The following ECT2 variants were observed in gnomAD, a reference collection of about 807,000 sequenced individuals.
ECT2 encodes protein ECT2.
Under a neutral mutation model 116.9 loss-of-function variants are expected in ECT2, and 61 were observed. The ratio of observed to expected loss-of-function variants is 0.52; its 90% CI spans 0.42 to 0.65. ECT2 has a LOEUF of 0.65. Ranked by LOEUF, ECT2 falls within the 30% of genes least tolerant of loss-of-function variation. ECT2 has a pLI of 0.00. For synonymous variants in ECT2, 358 were observed against 346.4 expected (o/e 1.03, Z -0.37); for missense variants, 937 against 1,078.7 (o/e 0.87, Z 1.84).
At chr3:172,751,988 CA>C (rs1285876948) in intron 1 of ECT2, among the ~76,000 whole-genome samples, 2 of 152,230 alleles carry the variant, frequency 1.3e-5, no homozygotes, top group African/African-American at 4.8e-5. Flanking sequence ...ACAGTATCAT[CA>C]GGGGCAATTT....
At chr3:172,760,383 A>G (rs538394254) in intron 7 of ECT2, 120 bp downstream of exon 7, 120 of 534,354 alleles carry the variant, frequency 2.2e-4, no homozygotes, top group Non-Finnish European at 3.4e-4. Flanking sequence ...AATTTTTGCT[A>G]TGAATATATT....
intron 22 of ECT2, 100 bp downstream of exon 22, chr3:172,808,024 A>C: frequency 8.3e-7 from 1 of 1,207,354 alleles, no homozygotes. Context: ...TTATGAATGG[A>C]GAGTTTTAGT....
intron 12 of ECT2, among the ~76,000 whole-genome samples, chr3:172,767,980 C>T (rs1045098364): frequency 6.6e-6 from 1 of 152,170 alleles, no homozygotes; most frequent in Admixed American, 6.5e-5. Flanking sequence ...GATCTGTCCG[C>T]CTTGGCCTCC....
intron 22 of ECT2, among the ~76,000 whole-genome samples, chr3:172,809,614 A>G (rs958578164): frequency 6.6e-6 from 1 of 151,788 alleles, no homozygotes; most frequent in Admixed American, 6.6e-5. Context: ...CACACACGTG[A>G]AAGATGTAAA....
chr3:172,770,584 C>T (rs4894596), intron 13 of ECT2, among the ~76,000 whole-genome samples: 71,314 of 151,998 alleles, frequency 0.47, 19,609 homozygotes, highest in East Asian at 0.69. Flanking sequence ...AAGTGATTCT[C>T]CTGCCTCAGC....
chr3:172,825,978 C>T (rs1410925810), downstream of ECT2, among the ~76,000 whole-genome samples: 3 of 152,264 alleles, frequency 2.0e-5, no homozygotes, highest in African/African-American at 7.2e-5. Context: ...ACTGCAACCT[C>T]TGCCTCCTGA....
chr3:172,814,079 G>A (rs11919648), intron 22 of ECT2, among the ~76,000 whole-genome samples: 14,460 of 151,954 alleles, frequency 0.095, 1,281 homozygotes, highest in African/African-American at 0.23. Context: ...GATTTGTACA[G>A]GATAAGCAAC....
In ECT2 at chr3:172,806,762, T is replaced by C. The variant is rs1484606687; in HGVS notation, c.2245+893T>C. On this transcript the variant is annotated intron_variant, in intron 21 of 24. Coordinates refer to ENST00000392692, the MANE Select transcript of ECT2 (RefSeq NM_001258315.2). Reference sequence around the variant, plus strand: ...CCGCCAGGATTCTCCTGCCTCAGCCTCCTGAGTAGCTGGGATTACAGGCGT... The same window carrying C: ...CCGCCAGGATTCTCCTGCCTCAGCCCCCTGAGTAGCTGGGATTACAGGCGT... Among the ~76,000 whole-genome samples the C allele has an allele frequency of 2.0e-5, 3 of 148,940 alleles. No individual in the cohort carries two copies. In the East Asian group the frequency reaches 6.3e-4, roughly 31 times the overall value.
At chr3:172,751,888 G>C (rs1270959174) in intron 1 of ECT2, among the ~76,000 whole-genome samples, 1 of 152,112 alleles carries the variant, frequency 6.6e-6, no homozygotes, top group African/African-American at 2.4e-5. Context: ...TAATCTGACT[G>C]TTGGATGTTA....
intron 20 of ECT2, 115 bp from the exon 21 acceptor site, chr3:172,805,616 T>C: frequency 1.9e-6 from 2 of 1,033,158 alleles, no homozygotes; most frequent in Non-Finnish European, 1.4e-6. Flanking sequence ...TTGTAACGAA[T>C]AATAACTAAA....
At chr3:172,804,288 G>A (rs983841670) in intron 20 of ECT2, among the ~76,000 whole-genome samples, 1 of 152,112 alleles carries the variant, frequency 6.6e-6, no homozygotes. Context: ...AAATTCACTT[G>A]TGTTAAATGC....
In ECT2 at chr3:172,820,212, G is replaced by C; in HGVS notation, c.2720G>C (p.Ser907Thr). 1 of 1,609,522 alleles carries C rather than the reference G, an allele frequency of 6.2e-7. No homozygotes were observed. The highest frequency in any genetic ancestry group is 8.5e-7 in the Non-Finnish European group (1 of 1,177,292). Residue 907 changes from serine to threonine, a missense_variant, in exon 25 of 25, where the codon AGT (serine) becomes ACT (threonine). Ser to Thr is a moderately conservative substitution (Grantham distance 58). Transcript: ENST00000392692. Reference sequence around the variant, plus strand: ...TTTGAAAGGAGAAGTCATACGTTAAGTAGATCTACAACTCATTTGATATGA... The same window carrying C: ...TTTGAAAGGAGAAGTCATACGTTAACTAGATCTACAACTCATTTGATATGA... Reference protein sequence around the residue: ...SFFERRSHTLSRSTTHLI With the variant: ...SFFERRSHTLTRSTTHLI
Position 172,820,187 on chromosome 3 carries a change from T to A in ECT2, c.2695T>A (p.Phe899Ile). The change falls in exon 25 of 25, where the codon TTT (phenylalanine) becomes ATT (isoleucine). Residue 899 changes from phenylalanine to isoleucine, a missense_variant. Physicochemically the swap from Phe to Ile is conservative, Grantham distance 21. Coordinates refer to ENST00000392692, the MANE Select transcript of ECT2 (RefSeq NM_001258315.2). ...CTCCCTTGTCAGCCTTCCTTCCTTC[T>A]TTGAAAGGAGAAGTCATACGTTAAG... Reference protein sequence around the residue: ...SPSLVSLPSFFERRSHTLSRS... With the variant: ...SPSLVSLPSFIERRSHTLSRS... The A allele has an allele frequency of 6.2e-7, 1 of 1,610,806 alleles. No homozygotes were observed. The highest frequency in any genetic ancestry group is 1.1e-5 in the South Asian group (1 of 90,728).
intron 18 of ECT2, among the ~76,000 whole-genome samples, chr3:172,793,577 C>T (rs1384536983): frequency 3.9e-5 from 6 of 152,152 alleles, no homozygotes; most frequent in African/African-American, 1.2e-4. Flanking sequence ...AATTCTCCCG[C>T]CTCAGCCTCC....
Position 172,820,270 on chromosome 3 carries a change from A to G in ECT2, c.*33A>G, listed in dbSNP as rs1560039475. Reference sequence around the variant, plus strand: ...CCAAAATCTTAAATTATAGAAATGTATAGACACCTCATACTCAAATAAGAA... The same window carrying G: ...CCAAAATCTTAAATTATAGAAATGTGTAGACACCTCATACTCAAATAAGAA... On this transcript the variant is annotated 3_prime_UTR_variant, in exon 25 of 25. Coordinates refer to ENST00000392692, the MANE Select transcript of ECT2 (RefSeq NM_001258315.2). 7 of 1,485,092 alleles carry G rather than the reference A, an allele frequency of 4.7e-6. No homozygotes were observed. The highest frequency in any genetic ancestry group is 6.5e-6 in the Non-Finnish European group (7 of 1,077,390). The allele number at this position is 1,485,092 out of a possible 1,614,324, so 92.0% of individuals were successfully genotyped here.
chr3:172,755,148 T>C (rs758616453), intron 2 of ECT2, 147 bp from the exon 3 acceptor site: 1 of 549,514 alleles, frequency 1.8e-6, no homozygotes, highest in Non-Finnish European at 3.1e-6. Flanking sequence ...TTGTAATAAG[T>C]TGGGAGTTGA....
At chr3:172,828,763 TCAAA>T in the ECT2 span, 3 of 611,164 alleles carry the variant, frequency 4.9e-6, no homozygotes, top group Non-Finnish European at 9.0e-6. Flanking sequence ...AAGGTGACCA[TCAAA>T]CAGAAGAACC....
At chr3:172,753,236 A>G (rs1455970132) in intron 1 of ECT2, among the ~76,000 whole-genome samples, 1 of 152,024 alleles carries the variant, frequency 6.6e-6, no homozygotes, top group Non-Finnish European at 1.5e-5. Context: ...AGTAGCTACT[A>G]TAGGCACCTG....
intron 1 of ECT2, among the ~76,000 whole-genome samples, chr3:172,753,006 C>T (rs896462857): frequency 6.6e-6 from 1 of 152,058 alleles, no homozygotes; most frequent in Non-Finnish European, 1.5e-5. Context: ...ATGTAGCTCT[C>T]GTTAAAGGTG....
Sources: allele counts gnomAD v4.1 joint callset (sites outside exome capture counted in the v4.1 genomes callset), GRCh38; gene constraint gnomAD v4.1.1; transcripts MANE v1.5; gene names NCBI Gene and HGNC (gene_info 2026-07-23, HGNC 2026-07-21).